Variants in LRP1B observed in about 807,000 individuals in gnomAD.
LRP1B encodes the protein LDL receptor related protein 1B, also known as low-density lipoprotein receptor-related protein 1B.
In LRP1B, 217 loss-of-function variants were observed where a neutral mutation model predicts 556.6. That is an observed-to-expected ratio of 0.39 (90% confidence interval 0.35 to 0.44). LRP1B has a LOEUF of 0.44. Among genes scored for constraint, LRP1B ranks in the 20% least tolerant of loss-of-function variants. The probability of loss-of-function intolerance (pLI) is 1.00; values close to 1 mark genes in which losing one functional copy is unlikely to be tolerated. For missense variants in LRP1B, 5,053 were observed against 5,620.8 expected (o/e 0.90, Z 3.23); for synonymous variants, 2,047 against 1,865.8 (o/e 1.10, Z -2.50).
intron 3 of LRP1B, among the ~76,000 whole-genome samples, chr2:141,433,219 C>A (rs1038579846): frequency 6.6e-6 from 1 of 151,822 alleles, no homozygotes; most frequent in African/African-American, 2.4e-5. Flanking sequence ...TTATTGATTT[C>A]TAATTTAATT....
At chr2:140,948,612 C>T (rs1400607067) in intron 20 of LRP1B, among the ~76,000 whole-genome samples, 1 of 152,154 alleles carries the variant, frequency 6.6e-6, no homozygotes, top group African/African-American at 2.4e-5. Flanking sequence ...TTCAAATATG[C>T]TTATGTTAAA....
chr2:140,660,301 T>C (rs1685045517), intron 41 of LRP1B, among the ~76,000 whole-genome samples: 1 of 151,796 alleles, frequency 6.6e-6, no homozygotes, highest in African/African-American at 2.4e-5. Flanking sequence ...TTTTGCATAC[T>C]TCCAGTATTT....
At chr2:140,850,012 GAATAA>G in intron 29 of LRP1B, 85 bp downstream of exon 29, 1 of 822,428 alleles carries the variant, frequency 1.2e-6, no homozygotes, top group Non-Finnish European at 1.9e-6. Flanking sequence ...GCATAAAGTT[GAATAA>G]AAGAGAAAGA....
chr2:141,681,248 G>A (rs779963250), intron 2 of LRP1B, among the ~76,000 whole-genome samples: 2 of 151,980 alleles, frequency 1.3e-5, no homozygotes, highest in Admixed American at 6.6e-5. Context: ...AGCCATGATC[G>A]CACTACTGCA....
intron 43 of LRP1B, among the ~76,000 whole-genome samples, chr2:140,572,620 A>G (rs1181677991): frequency 1.3e-5 from 2 of 151,742 alleles, no homozygotes; most frequent in African/African-American, 4.8e-5. Context: ...CAATCCTGCA[A>G]CTGAGCTTAT....
intron 43 of LRP1B, among the ~76,000 whole-genome samples, chr2:140,584,668 T>G (rs1436958858): frequency 6.6e-6 from 1 of 152,110 alleles, no homozygotes; most frequent in Non-Finnish European, 1.5e-5. Context: ...ACATCTCTTT[T>G]CAGACAGTCT....
intron 3 of LRP1B, among the ~76,000 whole-genome samples, chr2:141,290,809 A>C (rs771807273): frequency 5.9e-5 from 9 of 152,106 alleles, no homozygotes; most frequent in Non-Finnish European, 1.3e-4. Context: ...ATTTTTTACT[A>C]TGTAGCTGGT....
chr2:141,717,683 G>A (rs1692657425), intron 2 of LRP1B, among the ~76,000 whole-genome samples: 2 of 152,130 alleles, frequency 1.3e-5, no homozygotes, highest in Admixed American at 1.3e-4. Context: ...CCAGTCATGG[G>A]ACATTTGTTC....
Position 140,318,003 on chromosome 2 carries a change from T to C in LRP1B, c.12641-2904A>G, listed in dbSNP as rs537436262. Among the ~76,000 whole-genome samples, 63 of 151,720 alleles carry C rather than the reference T, an allele frequency of 4.2e-4. 1 individual carries two copies. The highest frequency in any genetic ancestry group is 1.1e-3 in the Admixed American group (17 of 15,234). Reference sequence around the variant, plus strand: ...AACCTCCAGCAATTATAATCAACTATAGGAAAAAGCAGGTGAACACTTCCC... The same window carrying C: ...AACCTCCAGCAATTATAATCAACTACAGGAAAAAGCAGGTGAACACTTCCC... On this transcript the variant is annotated intron_variant, in intron 82 of 90. Coordinates refer to ENST00000389484, the MANE Select transcript of LRP1B (RefSeq NM_018557.3).
intron 43 of LRP1B, among the ~76,000 whole-genome samples, chr2:140,581,012 CA>C (rs931665113): frequency 6.6e-5 from 10 of 152,136 alleles, no homozygotes; most frequent in African/African-American, 2.4e-4. Flanking sequence ...AGCAATAAAT[CA>C]AAAGAACTGC....
intron 39 of LRP1B, 148 bp from the exon 40 acceptor site, chr2:140,701,993 C>A: frequency 7.7e-7 from 1 of 1,297,380 alleles, no homozygotes; most frequent in South Asian, 1.4e-5. Context: ...CTTGGAATAG[C>A]AAGAGTACCT....
intron 2 of LRP1B, among the ~76,000 whole-genome samples, chr2:141,599,845 C>T (rs1687664307): frequency 1.3e-5 from 2 of 152,052 alleles, no homozygotes; most frequent in African/African-American, 4.8e-5. Flanking sequence ...CCCTTTAACC[C>T]ATATGCCTAC....
At chr2:140,612,274 T>A (rs1683098606) in intron 41 of LRP1B, among the ~76,000 whole-genome samples, 1 of 152,144 alleles carries the variant, frequency 6.6e-6, no homozygotes, top group Non-Finnish European at 1.5e-5. Context: ...TATCACCACT[T>A]TTACTTCAAT....
chr2:141,018,160 T>C (rs1697961705), intron 12 of LRP1B, among the ~76,000 whole-genome samples: 1 of 152,046 alleles, frequency 6.6e-6, no homozygotes, highest in South Asian at 2.1e-4. Context: ...ACATAAAACA[T>C]AGGTTAATCT....
chr2:140,627,835 C>T (rs571278063), intron 41 of LRP1B, among the ~76,000 whole-genome samples: 39 of 152,210 alleles, frequency 2.6e-4, no homozygotes, highest in Admixed American at 1.9e-3. Context: ...CTTTCAACAA[C>T]GTTTTATAAG....
At chr2:141,029,913 T>C (rs1468126917) in intron 11 of LRP1B, among the ~76,000 whole-genome samples, 2 of 152,160 alleles carry the variant, frequency 1.3e-5, no homozygotes, top group Non-Finnish European at 2.9e-5. Flanking sequence ...CACATACCTC[T>C]ATCTACTAGA....
intron 37 of LRP1B, among the ~76,000 whole-genome samples, chr2:140,704,987 A>G (rs1044109030): frequency 3.9e-5 from 6 of 152,136 alleles, no homozygotes; most frequent in Middle Eastern, 3.2e-3. Context: ...CAACCTACTT[A>G]GCCCTAATTC....
chr2:141,772,186 G>T (rs1558865502), intron 2 of LRP1B, among the ~76,000 whole-genome samples: 1 of 152,068 alleles, frequency 6.6e-6, no homozygotes, highest in Non-Finnish European at 1.5e-5. Flanking sequence ...ACTCAACACT[G>T]AATCTGCCTG....
At chr2:141,424,802 T>A (rs1287351973) in intron 3 of LRP1B, among the ~76,000 whole-genome samples, 1 of 152,208 alleles carries the variant, frequency 6.6e-6, no homozygotes. Flanking sequence ...CTCAGTAATT[T>A]ACTCAATGCA....
Sources: allele counts gnomAD v4.1 joint callset (sites outside exome capture counted in the v4.1 genomes callset), GRCh38; gene constraint gnomAD v4.1.1; transcripts MANE v1.5; gene names NCBI Gene and HGNC (gene_info 2026-07-23, HGNC 2026-07-21).